Variants in MTHFD1 observed in about 807,000 individuals in gnomAD.
MTHFD1 encodes C-1-tetrahydrofolate synthase, cytoplasmic.
A neutral mutation model predicts 110.3 loss-of-function variants in MTHFD1; 44 were observed. The ratio of observed to expected loss-of-function variants is 0.40; its 90% CI spans 0.31 to 0.51. MTHFD1 has a LOEUF of 0.51. Ranked by LOEUF, MTHFD1 falls within the 20% of genes least tolerant of loss-of-function variation. The probability of loss-of-function intolerance (pLI) is 0.60; values close to 1 mark genes in which losing one functional copy is unlikely to be tolerated. For synonymous variants in MTHFD1, 402 were observed against 428.8 expected (o/e 0.94, Z 0.77); for missense variants, 909 against 1,173.1 (o/e 0.77, Z 3.29).
chr14:64,431,150 C>CT (rs968366911), intron 13 of MTHFD1, among the ~76,000 whole-genome samples: 4 of 150,500 alleles, frequency 2.7e-5, no homozygotes, highest in African/African-American at 9.8e-5. Context: ...TCTTGGGTCA[C>CT]TGCAACCTCC....
chr14:64,441,236 G>GA (rs1174840675), intron 18 of MTHFD1, 149 bp from the exon 19 acceptor site: 70 of 779,772 alleles, frequency 9.0e-5, no homozygotes, highest in Admixed American at 1.9e-5. Flanking sequence ...AGCATATCCA[G>GA]AAAAAAACCA....
At chr14:64,404,845 C>T (rs2077925113) in intron 2 of MTHFD1, among the ~76,000 whole-genome samples, 1 of 152,080 alleles carries the variant, frequency 6.6e-6, no homozygotes, top group African/African-American at 2.4e-5. Flanking sequence ...GTGGTGCACA[C>T]CTGTGATCAC....
rs1195353965 is a variant in MTHFD1 at position 64,424,792 on chromosome 14, C to T, written c.728-12C>T. The T allele has an allele frequency of 4.3e-6, 7 of 1,613,660 alleles. No individual in the cohort carries two copies. The highest frequency in any genetic ancestry group is 1.3e-5 in the African/African-American group (1 of 75,016). ...CTGAGACTTAGTTTTGATTTCTCCC[C>T]CACTTGACCAGATGATAAAAAACCA... On this transcript the variant is annotated splice_polypyrimidine_tract_variant and intron_variant, in intron 8 of 27. Coordinates refer to ENST00000652337, the MANE Select transcript of MTHFD1 (RefSeq NM_005956.4).
intron 18 of MTHFD1, 186 bp from the exon 19 acceptor site, chr14:64,441,199 A>T: frequency 1.6e-6 from 1 of 640,446 alleles, no homozygotes; most frequent in Non-Finnish European, 2.9e-6. Context: ...CTCAAAAAAT[A>T]AATAATTTAA....
In MTHFD1 at chr14:64,448,224, A is replaced by G. The variant is rs758362102; in HGVS notation, c.2186A>G (p.Glu729Gly). ...TCACTGTTGTTTTTACAGAACCTGG[A>G]GCTGGTTGAAAAAGGCTTCAGTAAC... ...LPKAYIQENL[E>G]LVEKGFSNLK... is the part of the protein sequence containing the mutation. The change falls in exon 23 of 28, where the codon GAG becomes GGG. Residue 729 changes from glutamate to glycine, a missense_variant. Glu to Gly is a moderately conservative substitution (Grantham distance 98). This residue lies in a region of MTHFD1 where 482 missense variants were observed against 646.0 expected (regional missense o/e 0.75). Coordinates refer to ENST00000652337, the MANE Select transcript of MTHFD1 (RefSeq NM_005956.4). 6.2e-7 allele frequency: 1 copy of G among 1,613,524 alleles called. No homozygotes were observed. The highest frequency in any genetic ancestry group is 8.5e-7 in the Non-Finnish European group (1 of 1,179,444).
chr14:64,414,618 G>A (rs147190728), intron 4 of MTHFD1, among the ~76,000 whole-genome samples: 4,332 of 151,224 alleles, frequency 0.029, 108 homozygotes, highest in Middle Eastern at 0.041. Flanking sequence ...TTCCCAAAGT[G>A]CTGGGATGAC....
chr14:64,433,714 A>ATTTT (rs1170650639), intron 15 of MTHFD1, among the ~76,000 whole-genome samples: 1 of 129,072 alleles, frequency 7.7e-6, no homozygotes, highest in Non-Finnish European at 1.6e-5. Flanking sequence ...TGAGCTCAGC[A>ATTTT]TTTTTTTTTT....
chr14:64,417,760 C>T lies in MTHFD1; in HGVS notation c.479-128C>T, dbSNP rs1261911292. ...GAATATTATTGCCAAAGAAGGAATG[C>T]TTTTAGGAAGGTTTCTGTTTGATGT... On this transcript the variant is annotated intron_variant, in intron 6 of 27. Transcript: ENST00000652337. This position sits in a 1 kb window ranked among gnomAD's most constrained non-coding sequence, Gnocchi z 4.4. 33 of 1,191,440 alleles carry T rather than the reference C, an allele frequency of 2.8e-5. No homozygotes were observed. In the Admixed American group the frequency reaches 5.7e-4, roughly 21 times the overall value. The allele number at this position is 1,191,440 out of a possible 1,614,324, so 73.8% of individuals were successfully genotyped here.
At chr14:64,416,573 T>C (rs1191086642) in intron 6 of MTHFD1, among the ~76,000 whole-genome samples, 1 of 152,190 alleles carries the variant, frequency 6.6e-6, no homozygotes, top group African/African-American at 2.4e-5. Flanking sequence ...TGAATACTTT[T>C]AGCAGAGGTT....
At position 64,440,174 on chromosome 14, in the gene MTHFD1, C is replaced by T; in HGVS notation, c.1723C>T (p.Leu575Phe). ...VASEIMAVLALTTSLEDMRER... is the reference protein window; with the variant it reads ...VASEIMAVLAFTTSLEDMRER... ...CAGTGAAATTATGGCTGTCCTGGCT[C>T]TCACCACTTCTCTAGAAGACATGAG... Residue 575 changes from leucine to phenylalanine, a missense_variant, in exon 18 of 28, where the codon CTC becomes TTC. Coordinates refer to ENST00000652337, the MANE Select transcript of MTHFD1 (RefSeq NM_005956.4). 6.2e-7 allele frequency: 1 copy of T among 1,614,128 alleles called. No individual in the cohort carries two copies. The highest frequency in any genetic ancestry group is 8.5e-7 in the Non-Finnish European group (1 of 1,180,034).
intron 3 of MTHFD1, 98 bp downstream of exon 3, chr14:64,411,247 A>G: frequency 1.2e-6 from 1 of 852,474 alleles, no homozygotes. Flanking sequence ...GAAAACTTTT[A>G]TCACCCACAG....
At chr14:64,397,185 ATATAT>A (rs1295066909) in intron 1 of MTHFD1, among the ~76,000 whole-genome samples, 77 of 9,914 alleles carry the variant, frequency 7.8e-3, no homozygotes, top group Middle Eastern at 0.071. Flanking sequence ...ATATATATAT[ATATAT>A]AAAAAACAGT....
chr14:64,397,172 TATATATATATATATATATAA>T (rs1355993968), intron 1 of MTHFD1, among the ~76,000 whole-genome samples: 3,592 of 22,170 alleles, frequency 0.16, 577 homozygotes, highest in African/African-American at 0.19. Flanking sequence ...TATATATATA[TATATATATATATATATATAA>T]AAAACAGTAA....
chr14:64,431,434 C>T (rs1213601199), intron 13 of MTHFD1, 98 bp from the exon 14 acceptor site: 9 of 1,012,364 alleles, frequency 8.9e-6, no homozygotes, highest in African/African-American at 7.9e-5. Flanking sequence ...CTTCAGTATT[C>T]CATTGGCTTT....
In MTHFD1 at chr14:64,412,493, A is replaced by G; in HGVS notation, c.208A>G (p.Ile70Val). 3 of 1,613,812 alleles carry G rather than the reference A, an allele frequency of 1.9e-6. No homozygotes were observed. Among genetic ancestry groups the G allele is most frequent in the South Asian group, 2.2e-5 (2 of 91,074 alleles). The stretch of plus-strand genomic sequence containing the variant: ...GCAGATTGGGATCAAAGCCACTCAC[A>G]TTAAGTTACCAAGAACAACCACAGA... ...AEEIGIKATH[I>V]KLPRTTTESE... Residue 70 changes from isoleucine to valine, a missense_variant, in exon 4 of 28, where the codon ATT (isoleucine) becomes GTT (valine). Around this residue, in one of 3 missense-constraint regions of MTHFD1, gnomAD observed 424 missense variants for 510.4 expected, o/e 0.83. Coordinates refer to ENST00000652337, the MANE Select transcript of MTHFD1 (RefSeq NM_005956.4).
intron 18 of MTHFD1, 103 bp downstream of exon 18, chr14:64,440,369 T>C (rs540914584): frequency 1.8e-5 from 24 of 1,316,670 alleles, no homozygotes; most frequent in East Asian, 1.4e-4. Flanking sequence ...ACTTAAGACA[T>C]TGCAATTAAT....
intron 6 of MTHFD1, among the ~76,000 whole-genome samples, chr14:64,416,250 TAAACAAAC>T (rs1270850983): frequency 2.0e-5 from 3 of 151,798 alleles, no homozygotes; most frequent in Non-Finnish European, 4.4e-5. Flanking sequence ...GTCTCTAAAA[TAAACAAAC>T]AAACAAACAA....
chr14:64,436,781 T>TTGTCTAAATA (rs1171119064), intron 16 of MTHFD1, among the ~76,000 whole-genome samples: 2 of 152,238 alleles, frequency 1.3e-5, no homozygotes, highest in African/African-American at 4.8e-5. Flanking sequence ...GGTATAATAT[T>TTGTCTAAATA]TTATAAGGAA....
chr14:64,430,363 A>G (rs1443511389), intron 13 of MTHFD1, 133 bp downstream of exon 13: 6 of 825,858 alleles, frequency 7.3e-6, no homozygotes, highest in South Asian at 1.4e-5. Context: ...CAATGGCGCA[A>G]TCTCGGCTCA....
Sources: allele counts gnomAD v4.1 joint callset (sites outside exome capture counted in the v4.1 genomes callset), GRCh38; gene constraint gnomAD v4.1.1; regional missense constraint gnomAD v4.1.1; non-coding constraint Gnocchi (gnomAD v3.1); transcripts MANE v1.5; gene names NCBI Gene and HGNC (gene_info 2026-07-23, HGNC 2026-07-21).